RGS7: variants seen among roughly 807,000 people sequenced by gnomAD.
RGS7 encodes the protein regulator of G protein signaling 7, also known as regulator of G-protein signaling 7.
A neutral mutation model predicts 81.1 loss-of-function variants in RGS7; 27 were observed. The observed-to-expected ratio is 0.33, with a 90% CI of 0.25 to 0.46. The LOEUF is 0.46. RGS7 is among the 20% of genes least tolerant of loss of function. The pLI is 1.00. For missense variants in RGS7, 396 were observed against 607.4 expected, an observed-to-expected ratio of 0.65 and a Z score of 3.66; for synonymous variants, 208 against 207.7, an observed-to-expected ratio of 1.00 and a Z score of -0.01.
chr1:241,277,137 TTGTA>T (rs945402368), intron 2 of RGS7, among the ~76,000 whole-genome samples: 1 of 152,242 alleles, frequency 6.6e-6, no homozygotes, highest in Non-Finnish European at 1.5e-5. Context: ...TACTCTCCTA[TTGTA>T]TGCATTGCTC....
intron 3 of RGS7, among the ~76,000 whole-genome samples, chr1:241,033,290 G>T (rs1475753851): frequency 3.3e-5 from 5 of 152,122 alleles, no homozygotes; most frequent in African/African-American, 1.2e-4. Flanking sequence ...GGTGGAGGTT[G>T]CAGTGAGCCA....
chr1:241,190,090 A>G (rs1274483802), intron 2 of RGS7, among the ~76,000 whole-genome samples: 2 of 141,212 alleles, frequency 1.4e-5, no homozygotes, highest in Non-Finnish European at 1.5e-5. Flanking sequence ...GCGACAGAGC[A>G]GACTCCGTCT....
chr1:241,291,158 G>A (rs2079067615), intron 2 of RGS7, among the ~76,000 whole-genome samples: 1 of 152,212 alleles, frequency 6.6e-6, no homozygotes, highest in Non-Finnish European at 1.5e-5. Flanking sequence ...TACATTTTGA[G>A]AGCAGAATGA....
intron 2 of RGS7, among the ~76,000 whole-genome samples, chr1:241,136,450 G>A (rs1285803100): frequency 6.6e-6 from 1 of 152,148 alleles, no homozygotes; most frequent in African/African-American, 2.4e-5. Flanking sequence ...GGAGATAAGG[G>A]GGGGGATGTT....
At chr1:241,245,997 G>C (rs1267984990) in intron 2 of RGS7, among the ~76,000 whole-genome samples, 1 of 151,920 alleles carries the variant, frequency 6.6e-6, no homozygotes, top group Non-Finnish European at 1.5e-5. Context: ...CCAGCTACTC[G>C]GAAGGCTGAG....
At position 240,998,760 on chromosome 1, in the gene RGS7, AG is replaced by A. The variant is rs1322990317; in HGVS notation, c.176-15632del. 5 of 737,492 alleles carry A rather than the reference AG, an allele frequency of 6.8e-6. No individual in the cohort carries two copies. In the African/African-American group the frequency reaches 7.0e-5, roughly 10 times the overall value. 45.7% of individuals were successfully genotyped at this position (737,492 alleles called of 1,614,324 possible). On this transcript the variant is annotated intron_variant, in intron 3 of 18. Transcript: ENST00000440928. ...CTCATCATCGTGCGGAATGAGGGCCAGGTAGATGCAGGCGAGCTGGGAGACG... is the reference window on the plus strand; with the variant it reads ...CTCATCATCGTGCGGAATGAGGGCCAGTAGATGCAGGCGAGCTGGGAGACG...
At chr1:241,191,006 G>A (rs371541384) in intron 2 of RGS7, among the ~76,000 whole-genome samples, 8 of 150,540 alleles carry the variant, frequency 5.3e-5, no homozygotes, top group African/African-American at 1.5e-4. Context: ...TTTTTGCGAC[G>A]GAGTCTTGCT....
intron 6 of RGS7, among the ~76,000 whole-genome samples, chr1:240,911,726 A>G (rs535921228): frequency 6.6e-6 from 1 of 152,310 alleles, no homozygotes; most frequent in East Asian, 1.9e-4. Flanking sequence ...GTGTGAGAAA[A>G]GCATAAAACC....
chr1:241,026,146 T>C (rs972539637), intron 3 of RGS7, among the ~76,000 whole-genome samples: 1 of 152,252 alleles, frequency 6.6e-6, no homozygotes, highest in Non-Finnish European at 1.5e-5. Flanking sequence ...CTCTGCATGG[T>C]CAGCAACTAC....
chr1:240,816,935 A>G lies in RGS7; in HGVS notation c.685-520T>C, dbSNP rs74149503. On this transcript the variant is annotated intron_variant, in intron 10 of 18. Transcript: ENST00000440928. ...AGACACCAGGGTACTCCTACTCTCC[A>G]TATCAACAGTGGGTTATTTACTTCA... Among the ~76,000 whole-genome samples the G allele has an allele frequency of 2.0e-3, 312 of 152,322 alleles. 2 individuals carry two copies. The highest frequency in any genetic ancestry group is 7.3e-3 in the African/African-American group (302 of 41,576).
chr1:241,014,290 T>C (rs1286061769), intron 3 of RGS7, among the ~76,000 whole-genome samples: 2 of 152,228 alleles, frequency 1.3e-5, no homozygotes, highest in East Asian at 1.9e-4. Flanking sequence ...ATCTCCTTCA[T>C]TGGATGCTTT....
chr1:241,038,415 C>T (rs774143851), intron 3 of RGS7, among the ~76,000 whole-genome samples: 1 of 152,178 alleles, frequency 6.6e-6, no homozygotes, highest in Non-Finnish European at 1.5e-5. Context: ...CAAGCTTGTA[C>T]TTTCACAAGG....
chr1:241,204,425 T>C (rs2073740952), intron 2 of RGS7, among the ~76,000 whole-genome samples: 1 of 152,212 alleles, frequency 6.6e-6, no homozygotes, highest in African/African-American at 2.4e-5. Flanking sequence ...ATGTACTGCA[T>C]ATCATACATT....
chr1:241,223,710 CAAAA>C (rs60885152), intron 2 of RGS7, among the ~76,000 whole-genome samples: 1 of 135,094 alleles, frequency 7.4e-6, no homozygotes. Context: ...TTAGACATTG[CAAAA>C]AAAAAAAAAG....
At chr1:240,860,524 C>T (rs1490312203) in intron 9 of RGS7, among the ~76,000 whole-genome samples, 1 of 151,980 alleles carries the variant, frequency 6.6e-6, no homozygotes, top group East Asian at 1.9e-4. Context: ...CTAGCTACTC[C>T]AGCTTTCTTT....
chr1:240,943,825 G>A (rs1287165238), intron 4 of RGS7, among the ~76,000 whole-genome samples: 2 of 152,130 alleles, frequency 1.3e-5, no homozygotes, highest in Non-Finnish European at 2.9e-5. Flanking sequence ...TGCTTTAGAG[G>A]AGGACTGATG....
At chr1:241,087,483 T>C (rs1053894520) in intron 3 of RGS7, among the ~76,000 whole-genome samples, 1 of 152,196 alleles carries the variant, frequency 6.6e-6, no homozygotes, top group Non-Finnish European at 1.5e-5. Flanking sequence ...TGAACCCCTC[T>C]GATGTTAGAT....
chr1:240,952,559 C>A (rs1391395258), intron 4 of RGS7, among the ~76,000 whole-genome samples: 1 of 151,856 alleles, frequency 6.6e-6, no homozygotes, highest in Non-Finnish European at 1.5e-5. Flanking sequence ...TCAATTAAAA[C>A]CAGAGTTGGC....
intron 2 of RGS7, among the ~76,000 whole-genome samples, chr1:241,124,443 T>G (rs1362783527): frequency 2.0e-5 from 3 of 152,156 alleles, no homozygotes; most frequent in African/African-American, 2.4e-5. Flanking sequence ...AATGCATTTT[T>G]GTTTTCTTCT....
Sources: gnomAD v4.1 joint callset for allele counts (sites outside exome capture counted in the v4.1 genomes callset) on GRCh38, gnomAD v4.1.1 for gene constraint, MANE v1.5 for transcripts, NCBI Gene and HGNC (gene_info 2026-07-23, HGNC 2026-07-21) for gene names.